The following SNRPB2 variants were observed in gnomAD, a reference collection of about 807,000 sequenced individuals.
SNRPB2 encodes small nuclear ribonucleoprotein polypeptide B2.
Under a neutral mutation model 26.3 loss-of-function variants are expected in SNRPB2, and 16 were observed. The ratio of observed to expected loss-of-function variants is 0.61; its 90% CI spans 0.41 to 0.92. SNRPB2 has a LOEUF of 0.92. Ranked by LOEUF, SNRPB2 falls within the 40% of genes least tolerant of loss-of-function variation. The pLI is 0.00. For missense variants in SNRPB2, 179 were observed against 268.1 expected, an observed-to-expected ratio of 0.67 and a Z score of 2.32; for synonymous variants, 75 against 89.0, an observed-to-expected ratio of 0.84 and a Z score of 0.88.
intron 3 of SNRPB2, among the ~76,000 whole-genome samples, chr20:16,733,055 C>G (rs1056271346): frequency 1.3e-5 from 2 of 152,150 alleles, no homozygotes; most frequent in Non-Finnish European, 2.9e-5. Flanking sequence ...GGATTCCAAA[C>G]TGCTTTTTTT....
Position 16,740,424 on chromosome 20 carries a change from T to TC in SNRPB2, c.518+12dup, listed in dbSNP as rs549908303. The TC allele has an allele frequency of 3.1e-3, 4,914 of 1,610,188 alleles. 18 individuals are homozygous for TC. Among genetic ancestry groups the TC allele is most frequent in the Middle Eastern group, 9.8e-3 (59 of 6,036 alleles). On this transcript the variant is annotated intron_variant, in intron 6 of 6. Coordinates refer to ENST00000246071, the MANE Select transcript of SNRPB2 (RefSeq NM_003092.5). Reference sequence around the variant, plus strand: ...CATGCTGTTTAATCAGTAAGTTTTTTCATAAATAAGTCTGTTTCTGAGAGC... The same window carrying TC: ...CATGCTGTTTAATCAGTAAGTTTTTTCCATAAATAAGTCTGTTTCTGAGAGC...
In SNRPB2 at chr20:16,739,020, C is replaced by T. The variant is rs1600227120; in HGVS notation, c.429+118C>T. ...ATGATTTCATCTACAAGACACAGTG[C>T]GTTAAATTGTCTGCCACTGCAATGT... is the stretch of plus-strand genomic sequence containing the variant. On this transcript the variant is annotated intron_variant, in intron 5 of 6. Coordinates refer to ENST00000246071, the MANE Select transcript of SNRPB2 (RefSeq NM_003092.5). The T allele has an allele frequency of 1.0e-5, 7 of 677,378 alleles. No individual in the cohort carries two copies. The East Asian group carries it at 1.7e-4, about 16-fold the overall frequency. 42.0% of individuals were successfully genotyped at this position (677,378 alleles called of 1,614,324 possible). A position where few individuals can be genotyped will look rare whatever the true frequency, so the allele number is the denominator to read the frequency against.
chr20:16,730,221 A>T (rs1255400849), intron 1 of SNRPB2, 57 bp downstream of exon 1: 2 of 151,926 alleles, frequency 1.3e-5, no homozygotes, highest in African/African-American at 4.8e-5. Flanking sequence ...GGGGGTGAGG[A>T]GACTGACTCT....
chr20:16,733,226 C>T (rs1476493516), intron 3 of SNRPB2, among the ~76,000 whole-genome samples: 1 of 152,226 alleles, frequency 6.6e-6, no homozygotes, highest in Non-Finnish European at 1.5e-5. Flanking sequence ...TGGTCTAATG[C>T]AGGCATCAGC....
intron 3 of SNRPB2, among the ~76,000 whole-genome samples, chr20:16,736,990 T>C (rs1208889337): frequency 6.6e-6 from 1 of 152,192 alleles, no homozygotes; most frequent in Non-Finnish European, 1.5e-5. Context: ...AGAGAAGCCG[T>C]GGTACAGATA....
At position 16,741,044 on chromosome 20, in the gene SNRPB2, T is replaced by TA. The variant is rs1435148182; in HGVS notation, c.*40dup. ...CGTCTTTAAAAGACTTGGTGTTATT[T>TA]ACAGTGTTTGTTTTGATAACATTTG... On this transcript the variant is annotated 3_prime_UTR_variant, in exon 7 of 7. Transcript: ENST00000246071. The TA allele has an allele frequency of 1.1e-5, 16 of 1,473,312 alleles. No individual in the cohort carries two copies. Among genetic ancestry groups the TA allele is most frequent in the Non-Finnish European group, 1.4e-5 (15 of 1,072,806 alleles). 91.3% of individuals were successfully genotyped at this position (1,473,312 alleles called of 1,614,324 possible).
In SNRPB2 at chr20:16,731,777, T is replaced by C. The variant is rs1280190448; in HGVS notation, c.64+11T>C. 6.2e-7 allele frequency: 1 copy of C among 1,611,788 alleles called. No individual in the cohort carries two copies. Among genetic ancestry groups the C allele is most frequent in the Admixed American group, 1.7e-5 (1 of 59,694 alleles). On this transcript the variant is annotated intron_variant, in intron 2 of 6. Transcript: ENST00000246071. ...AAATTAAAAAGGAAGGTAAGTGCTTTTTAGAATACTTGTTCACTACTAAAA... is the reference window on the plus strand; with the variant it reads ...AAATTAAAAAGGAAGGTAAGTGCTTCTTAGAATACTTGTTCACTACTAAAA...
At chr20:16,734,663 A>G (rs1600225268) in intron 3 of SNRPB2, among the ~76,000 whole-genome samples, 1 of 152,006 alleles carries the variant, frequency 6.6e-6, no homozygotes, top group Non-Finnish European at 1.5e-5. Context: ...CTTGTTCATT[A>G]CCCCGTGTTT....
At position 16,730,085 on chromosome 20, in the gene SNRPB2, C is replaced by G. The variant is rs1328819527; in HGVS notation, c.-115C>G. 1 of 152,516 alleles carries G rather than the reference C, an allele frequency of 6.6e-6. No individual in the cohort carries two copies. The highest frequency in any genetic ancestry group is 1.5e-5 in the Non-Finnish European group (1 of 68,298). 9.4% of individuals were successfully genotyped at this position (152,516 alleles called of 1,614,324 possible). ...CTTAGGTGGGTTCGTGCGCCTTCTACCTCGCTGTTTCGGTTTTCCTGGCTC... is the reference window on the plus strand; with the variant it reads ...CTTAGGTGGGTTCGTGCGCCTTCTAGCTCGCTGTTTCGGTTTTCCTGGCTC... On this transcript the variant is annotated 5_prime_UTR_variant, in exon 1 of 7. Coordinates refer to ENST00000246071, the MANE Select transcript of SNRPB2 (RefSeq NM_003092.5).
intron 3 of SNRPB2, 35 bp downstream of exon 3, chr20:16,732,371 A>ATTAATTTCTTG: frequency 1.7e-6 from 2 of 1,155,394 alleles, no homozygotes; most frequent in Non-Finnish European, 1.3e-6. Context: ...TTAATCAAGA[A>ATTAATTTCTTG]ATTAATGATA....
At chr20:16,736,780 G>A (rs2072428819) in intron 3 of SNRPB2, among the ~76,000 whole-genome samples, 1 of 152,148 alleles carries the variant, frequency 6.6e-6, no homozygotes, top group East Asian at 1.9e-4. Context: ...ACAGTTCTAT[G>A]TCAAGCTGAG....
intron 5 of SNRPB2, among the ~76,000 whole-genome samples, 183 bp downstream of exon 5, chr20:16,739,085 G>A (rs1480386991): frequency 6.6e-6 from 1 of 152,190 alleles, no homozygotes; most frequent in Non-Finnish European, 1.5e-5. Flanking sequence ...TTCTTTTTTA[G>A]AGAGAGAAAA....
At chr20:16,731,233 G>A (rs1283454670) in intron 1 of SNRPB2, among the ~76,000 whole-genome samples, 1 of 152,164 alleles carries the variant, frequency 6.6e-6, no homozygotes, top group African/African-American at 2.4e-5. Flanking sequence ...AATAGGTATG[G>A]AAGGACTTTG....
At chr20:16,733,028 C>T (rs2072403285) in intron 3 of SNRPB2, among the ~76,000 whole-genome samples, 1 of 152,268 alleles carries the variant, frequency 6.6e-6, no homozygotes, top group South Asian at 2.1e-4. Context: ...TGAGTGAATA[C>T]ACCATATCTT....
chr20:16,738,266 C>A (rs1057345311), intron 4 of SNRPB2, among the ~76,000 whole-genome samples: 2 of 151,418 alleles, frequency 1.3e-5, no homozygotes, highest in Non-Finnish European at 2.9e-5. Flanking sequence ...CATGGTGATA[C>A]CCCGTCTCTA....
intron 3 of SNRPB2, among the ~76,000 whole-genome samples, chr20:16,736,906 A>T (rs981496497): frequency 2.0e-5 from 3 of 152,246 alleles, no homozygotes; most frequent in African/African-American, 7.2e-5. Context: ...AGGATTCCAA[A>T]GCCCGCTGGT....
intron 3 of SNRPB2, among the ~76,000 whole-genome samples, chr20:16,736,170 G>A (rs936059728): frequency 6.6e-6 from 1 of 152,118 alleles, no homozygotes; most frequent in Admixed American, 6.6e-5. Flanking sequence ...TAAAAGCAAC[G>A]GCATAGATGA....
rs56040744 is a variant in SNRPB2, at chr20:16,734,419, G to T, written c.237+2083G>T. On this transcript the variant is annotated intron_variant, in intron 3 of 6. Transcript: ENST00000246071. Reference sequence around the variant, plus strand: ...TTGCTATAACTTGGAACTCAGAACAGAATTACTCTCTCTGATTCAAGGGCA... The same window carrying T: ...TTGCTATAACTTGGAACTCAGAACATAATTACTCTCTCTGATTCAAGGGCA... Among the ~76,000 whole-genome samples the T allele has an allele frequency of 4.6e-5, 7 of 152,148 alleles. No homozygotes were observed. In the East Asian group the frequency reaches 1.4e-3, roughly 29 times the overall value.
intron 3 of SNRPB2, among the ~76,000 whole-genome samples, chr20:16,732,636 G>C (rs941122631): frequency 6.6e-6 from 1 of 152,178 alleles, no homozygotes; most frequent in Non-Finnish European, 1.5e-5. Context: ...AAAGAAACCT[G>C]TTTGTAAACT....
Sources: allele counts gnomAD v4.1 joint callset (sites outside exome capture counted in the v4.1 genomes callset), GRCh38; gene constraint gnomAD v4.1.1; transcripts MANE v1.5; gene names NCBI Gene and HGNC (gene_info 2026-07-23, HGNC 2026-07-21).